TMEM65: variants seen among roughly 807,000 people sequenced by gnomAD.
TMEM65 encodes transmembrane protein 65.
TMEM65 carries 22 observed loss-of-function variants against 25.4 expected under a neutral mutation model. The observed-to-expected ratio is 0.86, with a 90% confidence interval of 0.62 to 1.23. TMEM65 has a LOEUF of 1.23. TMEM65 is among the 50% of genes most tolerant of loss of function. The probability of loss-of-function intolerance (pLI) is 0.00; values close to 1 mark genes in which losing one functional copy is unlikely to be tolerated. For synonymous variants in TMEM65, 132 were observed against 126.2 expected (o/e 1.05, Z -0.31); for missense variants, 262 against 308.2 (o/e 0.85, Z 1.12).
chr8:124,362,401 C>G (rs1022069032), intron 1 of TMEM65, among the ~76,000 whole-genome samples: 6 of 151,836 alleles, frequency 4.0e-5, no homozygotes, highest in African/African-American at 1.4e-4. Context: ...GTGGCTCATG[C>G]CTGTAATCCC....
intron 1 of TMEM65, among the ~76,000 whole-genome samples, chr8:124,346,765 TCA>T (rs1010324945): frequency 3.3e-5 from 5 of 152,130 alleles, no homozygotes; most frequent in African/African-American, 1.2e-4. Flanking sequence ...ACAACACAAA[TCA>T]CAGTCTGGCC....
intron 1 of TMEM65, among the ~76,000 whole-genome samples, chr8:124,331,676 C>A (rs921637907): frequency 6.6e-6 from 1 of 151,680 alleles, no homozygotes; most frequent in Non-Finnish European, 1.5e-5. Context: ...GAAAATTCTA[C>A]CTTCTTTATG....
chr8:124,306,430 C>G lies in TMEM65; in HGVS notation c.*7530G>C, dbSNP rs923808935. Reference sequence around the variant, plus strand: ...CACTGGAAGTCATAAAGTTGATTCTCAAACACGGGTTTGAACTGCATAGGA... The same window carrying G: ...CACTGGAAGTCATAAAGTTGATTCTGAAACACGGGTTTGAACTGCATAGGA... On this transcript the variant is annotated 3_prime_UTR_variant, in exon 7 of 7. Coordinates refer to ENST00000297632, the MANE Select transcript of TMEM65 (RefSeq NM_194291.3). The G allele has an allele frequency of 6.6e-6, 1 of 152,116 alleles. No homozygotes were observed. The highest frequency in any genetic ancestry group is 6.6e-5 in the Admixed American group (1 of 15,266). The allele number at this position is 152,116 out of a possible 1,614,324, so 9.4% of individuals were successfully genotyped here.
intron 1 of TMEM65, among the ~76,000 whole-genome samples, chr8:124,354,123 GTGCTACAAAAAACCCAAAGACA>G (rs1321394272): frequency 4.6e-5 from 7 of 152,020 alleles, no homozygotes; most frequent in African/African-American, 1.5e-4. Context: ...TCTCAAAGAC[GTGCTACAAAAAACCCAAAGACA>G]TGCTACAAAA....
At chr8:124,346,460 T>C (rs1221819223) in intron 1 of TMEM65, among the ~76,000 whole-genome samples, 2 of 152,134 alleles carry the variant, frequency 1.3e-5, no homozygotes, top group Non-Finnish European at 2.9e-5. Flanking sequence ...ATGGAAATAA[T>C]GACTCTTAAC....
chr8:124,320,196 G>C lies in TMEM65; in HGVS notation c.516-5C>G. 6.2e-7 allele frequency: 1 copy of C among 1,605,536 alleles called. No homozygotes were observed. The highest frequency in any genetic ancestry group is 8.5e-7 in the Non-Finnish European group (1 of 1,173,356). On this transcript the variant is annotated splice_polypyrimidine_tract_variant and splice_region_variant and intron_variant, in intron 5 of 6. Transcript: ENST00000297632. ...GCTTCAACGTAGCCTGCAAGTCTTT[G>C]AAGAAACAAGACAATATGATATATA...
At chr8:124,363,237 G>C (rs1814894330) in intron 1 of TMEM65, among the ~76,000 whole-genome samples, 2 of 152,152 alleles carry the variant, frequency 1.3e-5, no homozygotes, top group African/African-American at 4.8e-5. Flanking sequence ...TACATGGGAA[G>C]CATTGTCAAA....
chr8:124,339,625 T>C (rs911904970), intron 1 of TMEM65, among the ~76,000 whole-genome samples: 2 of 152,064 alleles, frequency 1.3e-5, no homozygotes, highest in Non-Finnish European at 2.9e-5. Context: ...ATTGTGCACA[T>C]TGATCCCTCT....
rs933930771 is a variant in TMEM65, at chr8:124,363,761, C to T, written c.304+8093G>A. ...CTGAGGCAGGAGAATGGTGTGAACC[C>T]GGGAGGCGGAGCTTGCAGTGAGCCG... On this transcript the variant is annotated intron_variant, in intron 1 of 6. Transcript: ENST00000297632. Among the ~76,000 whole-genome samples the T allele has an allele frequency of 7.7e-5, 11 of 143,194 alleles. 1 individual carries two copies. The highest frequency in any genetic ancestry group is 2.9e-4 in the Admixed American group (4 of 13,866). The allele number at this position is 143,194 out of a possible 152,430, so 93.9% of individuals were successfully genotyped here.
At chr8:124,356,460 A>AT (rs1386615627) in intron 1 of TMEM65, among the ~76,000 whole-genome samples, 1 of 152,230 alleles carries the variant, frequency 6.6e-6, no homozygotes, top group East Asian at 1.9e-4. Flanking sequence ...ATGACCTCAG[A>AT]TAAAATCAAG....
chr8:124,330,826 T>C, intron 1 of TMEM65, 34 bp from the exon 2 acceptor site: 1 of 1,556,450 alleles, frequency 6.4e-7, no homozygotes, highest in Non-Finnish European at 8.7e-7. Context: ...GGGCAAGAAT[T>C]AGTTACTACA....
In TMEM65 at chr8:124,311,979, A is replaced by T. The variant is rs1288811830; in HGVS notation, c.*1981T>A. Reference sequence around the variant, plus strand: ...AAAACAATAATCAAAAGCCCTTTCTAAAGTCACAGGCAAGGTTTCTGATAC... The same window carrying T: ...AAAACAATAATCAAAAGCCCTTTCTTAAGTCACAGGCAAGGTTTCTGATAC... On this transcript the variant is annotated 3_prime_UTR_variant, in exon 7 of 7. Coordinates refer to ENST00000297632, the MANE Select transcript of TMEM65 (RefSeq NM_194291.3). 6.6e-6 allele frequency: 1 copy of T among 152,546 alleles called. No individual in the cohort carries two copies. The highest frequency in any genetic ancestry group is 6.6e-5 in the Admixed American group (1 of 15,264). The allele number at this position is 152,546 out of a possible 1,614,324, so 9.4% of individuals were successfully genotyped here.
At chr8:124,319,553 G>C (rs1419425007) in intron 6 of TMEM65, among the ~76,000 whole-genome samples, 4 of 151,222 alleles carry the variant, frequency 2.6e-5, no homozygotes, top group Admixed American at 1.3e-4. Context: ...TCTTCTAATT[G>C]CTAGTCAGTA....
In TMEM65 at chr8:124,309,436, GAAGT is replaced by G. The variant is rs1388537896; in HGVS notation, c.*4520_*4523del. On this transcript the variant is annotated 3_prime_UTR_variant, in exon 7 of 7. Coordinates refer to ENST00000297632, the MANE Select transcript of TMEM65 (RefSeq NM_194291.3). ...CCTACTGCTGTCAGTAAACATGCAA[GAAGT>G]AAGTATTAATCTTAATATTTAACTG... 1.2e-4 allele frequency: 18 copies of G among 152,310 alleles called. No homozygotes were observed. The highest frequency in any genetic ancestry group is 4.3e-4 in the African/African-American group (18 of 41,550). 9.4% of individuals were successfully genotyped at this position (152,310 alleles called of 1,614,324 possible).
intron 1 of TMEM65, among the ~76,000 whole-genome samples, chr8:124,331,398 TAA>T (rs1227863900): frequency 6.8e-6 from 1 of 148,088 alleles, no homozygotes; most frequent in Admixed American, 6.8e-5. Flanking sequence ...AATTAATATA[TAA>T]GATATATTAT....
intron 1 of TMEM65, among the ~76,000 whole-genome samples, chr8:124,334,842 TGA>T (rs1814486187): frequency 7.2e-6 from 1 of 138,340 alleles, no homozygotes; most frequent in Non-Finnish European, 1.6e-5. Context: ...AGAATGAAGG[TGA>T]GAGAAGAGTT....
chr8:124,315,478 C>T (rs563497502), intron 6 of TMEM65, among the ~76,000 whole-genome samples: 42 of 151,868 alleles, frequency 2.8e-4, no homozygotes, highest in South Asian at 2.1e-4. Flanking sequence ...CCCACCACCA[C>T]GCCCGGCTAA....
intron 1 of TMEM65, among the ~76,000 whole-genome samples, chr8:124,345,182 A>G (rs1314323166): frequency 6.6e-6 from 1 of 152,206 alleles, no homozygotes; most frequent in Non-Finnish European, 1.5e-5. Context: ...TCAGCCAATG[A>G]CAGGCTGCAA....
intron 1 of TMEM65, among the ~76,000 whole-genome samples, chr8:124,335,496 T>G (rs1023428710): frequency 3.6e-4 from 55 of 152,258 alleles, no homozygotes; most frequent in African/African-American, 1.3e-3. Flanking sequence ...GACATGACTG[T>G]GTAATGCAAA....
Sources: gnomAD v4.1 joint callset for allele counts (sites outside exome capture counted in the v4.1 genomes callset) on GRCh38, gnomAD v4.1.1 for gene constraint, MANE v1.5 for transcripts, NCBI Gene and HGNC (gene_info 2026-07-23, HGNC 2026-07-21) for gene names.